The following VPS33B variants were observed in gnomAD, a reference collection of about 807,000 sequenced individuals.
VPS33B encodes vacuolar protein sorting-associated protein 33B.
VPS33B carries 80 observed loss-of-function variants against 95.3 expected under a neutral mutation model. That is an observed-to-expected ratio of 0.84 (90% CI 0.70 to 1.01). The LOEUF is 1.01. VPS33B is among the 50% of genes least tolerant of loss of function. The probability of loss-of-function intolerance (pLI) is 0.00; values close to 1 mark genes in which losing one functional copy is unlikely to be tolerated. For missense variants in VPS33B, 715 were observed against 773.4 expected, an observed-to-expected ratio of 0.92 and a Z score of 0.90; for synonymous variants, 280 against 280.4, an observed-to-expected ratio of 1.00 and a Z score of 0.01.
rs527418365 is a variant in VPS33B at position 91,009,578 on chromosome 15, T to C, written c.403+223A>G. ...CCCTCGGCCTCCCAAAGTGCTGGGA[T>C]TACAGGCATGAGCCACTGCGCCCAG... is the stretch of plus-strand genomic sequence containing the variant. On this transcript the variant is annotated intron_variant, in intron 6 of 22. Coordinates refer to ENST00000333371, the MANE Select transcript of VPS33B (RefSeq NM_018668.5). The surrounding 1 kb of genome is among the most constrained non-coding windows in gnomAD (Gnocchi z 4.1). 3.7e-4 allele frequency among the ~76,000 whole-genome samples: 57 copies of C among 152,228 alleles called. No homozygotes were observed. Among genetic ancestry groups the C allele is most frequent in the Admixed American group, 9.2e-4 (14 of 15,286 alleles).
chr15:91,019,041 C>T (rs929005526), intron 1 of VPS33B, among the ~76,000 whole-genome samples: 1 of 150,482 alleles, frequency 6.6e-6, no homozygotes, highest in Non-Finnish European at 1.5e-5. Context: ...TCTTGAACTC[C>T]TGACCTCATG....
At position 91,013,329 on chromosome 15, in the gene VPS33B, A is replaced by C. The variant is rs536650108; in HGVS notation, c.357+475T>G. On this transcript the variant is annotated intron_variant, in intron 5 of 22. Coordinates refer to ENST00000333371, the MANE Select transcript of VPS33B (RefSeq NM_018668.5). The surrounding 1 kb of genome is among the most constrained non-coding windows in gnomAD (Gnocchi z 4.5). ...AGTGACAGGTATTAGGTTCAATCAC[A>C]CATAATTTGCTTTGAGGGAGTGCTA... Among the ~76,000 whole-genome samples, 14 of 152,346 alleles carry C rather than the reference A, an allele frequency of 9.2e-5. No individual in the cohort carries two copies. In the East Asian group the frequency reaches 2.7e-3, roughly 29 times the overall value.
Position 91,006,273 on chromosome 15 carries a change from C to G in VPS33B, c.852+99G>C, listed in dbSNP as rs1459939028. The G allele has an allele frequency of 6.5e-7, 1 of 1,550,254 alleles. No individual in the cohort carries two copies. The highest frequency in any genetic ancestry group is 2.2e-5 in the East Asian group (1 of 44,584). On this transcript the variant is annotated intron_variant, in intron 11 of 22. Transcript: ENST00000333371. The surrounding 1 kb of genome is among the most constrained non-coding windows in gnomAD (Gnocchi z 5.4). ...CTCTCCCATAGACTCAGCCTCCCCT[C>G]TCAGAGCTGGGGCCCACAGCCTGGT...
intron 3 of VPS33B, among the ~76,000 whole-genome samples, chr15:91,016,375 CTTTTTTT>C (rs796637381): frequency 1.6e-4 from 15 of 96,012 alleles, no homozygotes; most frequent in African/African-American, 4.6e-4. Context: ...GCAGATTCTT[CTTTTTTT>C]TTTTTTTTTT....
chr15:91,009,833 TCA>T lies in VPS33B; in HGVS notation c.369_370del (p.Cys123Ter). On this transcript the variant is annotated stop_gained and frameshift_variant, in exon 6 of 23. Transcript: ENST00000333371. LOFTEE classifies it high-confidence loss of function. The surrounding 1 kb of genome is among the most constrained non-coding windows in gnomAD (Gnocchi z 4.1). ...GATTCCCTCTTCCTCAAGCACCATC[TCA>T]CACGCATAGAACTGAAAGAGAAAAG... 18 of 1,614,140 alleles carry T rather than the reference TCA, an allele frequency of 1.1e-5. No homozygotes were observed. Among genetic ancestry groups the T allele is most frequent in the Non-Finnish European group, 1.5e-5 (18 of 1,180,022 alleles).
At position 91,015,804 on chromosome 15, in the gene VPS33B, T is replaced by A. The variant is rs2040908222; in HGVS notation, c.239+1159A>T. On this transcript the variant is annotated intron_variant, in intron 3 of 22. Transcript: ENST00000333371. The surrounding 1 kb of genome is among the most constrained non-coding windows in gnomAD (Gnocchi z 4.7). ...ATGATTGCACCACTGCACTCCAGCCTGTGCAACAGAGTGAGACCCTGTCTC... is the reference window on the plus strand; with the variant it reads ...ATGATTGCACCACTGCACTCCAGCCAGTGCAACAGAGTGAGACCCTGTCTC... Among the ~76,000 whole-genome samples, 2 of 152,278 alleles carry A rather than the reference T, an allele frequency of 1.3e-5. No individual in the cohort carries two copies. The highest frequency in any genetic ancestry group is 2.4e-5 in the African/African-American group (1 of 41,578).
chr15:91,007,760 T>A lies in VPS33B; in HGVS notation c.498+110A>T. 1 of 1,199,138 alleles carries A rather than the reference T, an allele frequency of 8.3e-7. No homozygotes were observed. Among genetic ancestry groups the A allele is most frequent in the Non-Finnish European group, 1.2e-6 (1 of 806,354 alleles). 74.3% of individuals were successfully genotyped at this position (1,199,138 alleles called of 1,614,324 possible). A position where few individuals can be genotyped will look rare whatever the true frequency, so the allele number is the denominator to read the frequency against. On this transcript the variant is annotated intron_variant, in intron 7 of 22. Coordinates refer to ENST00000333371, the MANE Select transcript of VPS33B (RefSeq NM_018668.5). The surrounding 1 kb of genome is among the most constrained non-coding windows in gnomAD (Gnocchi z 5.3). ...ACTCAATCACCACATCACTATCACT[T>A]GTGATAAATTACTTGCGTTGGACAA...
Position 91,007,696 on chromosome 15 carries a change from T to A in VPS33B, c.499-123A>T. Reference sequence around the variant, plus strand: ...CTGGGGGATGCTTGAAAGGTTTTCATTGGCTCCACAGGAAGTCCCACAGAG... The same window carrying A: ...CTGGGGGATGCTTGAAAGGTTTTCAATGGCTCCACAGGAAGTCCCACAGAG... On this transcript the variant is annotated intron_variant, in intron 7 of 22. Coordinates refer to ENST00000333371, the MANE Select transcript of VPS33B (RefSeq NM_018668.5). This position sits in a 1 kb window ranked among gnomAD's most constrained non-coding sequence, Gnocchi z 5.3. The A allele has an allele frequency of 8.1e-7, 1 of 1,237,690 alleles. No homozygotes were observed. 76.7% of individuals were successfully genotyped at this position (1,237,690 alleles called of 1,614,324 possible).
chr15:91,017,365 T>TTAAAAAAAAA (rs1555460460), intron 2 of VPS33B, among the ~76,000 whole-genome samples: 1 of 16,996 alleles, frequency 5.9e-5, no homozygotes, highest in East Asian at 2.4e-3. Context: ...TCTACAAAAT[T>TTAAAAAAAAA]AAATATATAT....
Position 91,007,365 on chromosome 15 carries a change from T to A in VPS33B, c.603+104A>T, listed in dbSNP as rs922981577. On this transcript the variant is annotated intron_variant, in intron 8 of 22. Transcript: ENST00000333371. This position sits in a 1 kb window ranked among gnomAD's most constrained non-coding sequence, Gnocchi z 5.3. ...CTATTCCAGAACAATGAAAGCAAAG[T>A]AAAGAATACACCTCATATCACAGGT... is the stretch of plus-strand genomic sequence containing the variant. 1.7e-6 allele frequency: 2 copies of A among 1,144,480 alleles called. No homozygotes were observed. The highest frequency in any genetic ancestry group is 2.6e-6 in the Non-Finnish European group (2 of 755,606). 70.9% of individuals were successfully genotyped at this position (1,144,480 alleles called of 1,614,324 possible). A position where few individuals can be genotyped will look rare whatever the true frequency, so the allele number is the denominator to read the frequency against.
At chr15:91,019,212 G>A (rs1038521501) in intron 1 of VPS33B, among the ~76,000 whole-genome samples, 3 of 146,384 alleles carry the variant, frequency 2.0e-5, no homozygotes, top group South Asian at 2.2e-4. Context: ...CTGCCTCCCA[G>A]GGTCAAGCAA....
intron 6 of VPS33B, among the ~76,000 whole-genome samples, chr15:91,008,586 A>AT (rs1349218341): frequency 6.6e-6 from 1 of 152,170 alleles, no homozygotes; most frequent in Non-Finnish European, 1.5e-5. Context: ...TATTCAGCAT[A>AT]TATTTACTGA....
rs769118116 is a variant in VPS33B at position 90,999,754 on chromosome 15, C to T, written c.1697G>A (p.Arg566His). 38 of 1,614,030 alleles carry T rather than the reference C, an allele frequency of 2.4e-5. No individual in the cohort carries two copies. The highest frequency in any genetic ancestry group is 4.4e-5 in the South Asian group (4 of 91,080). ...ACCCAAGAACACCACCAAGATGAGG[C>T]GCAGGGACTCACTGGAAGCCTTGTC... ...KEDKASSESL[R>H]LILVVFLGGC... Residue 566 changes from arginine (R) to histidine (H), a missense_variant, in exon 22 of 23, where the codon CGC becomes CAC. Arg to His is a conservative substitution (Grantham distance 29). Coordinates refer to ENST00000333371, the MANE Select transcript of VPS33B (RefSeq NM_018668.5). This position sits in a 1 kb window ranked among gnomAD's most constrained non-coding sequence, Gnocchi z 5.1.
chr15:91,017,977 C>A, intron 1 of VPS33B, 92 bp from the exon 2 acceptor site: 1 of 1,169,896 alleles, frequency 8.5e-7, no homozygotes, highest in Admixed American at 1.7e-5. Context: ...CAGAAACAGT[C>A]TCTGAGGTGG....
chr15:91,001,975 C>T, intron 18 of VPS33B, 75 bp downstream of exon 18: 3 of 1,608,524 alleles, frequency 1.9e-6, no homozygotes, highest in Non-Finnish European at 2.5e-6. Context: ...TTCATTCTGT[C>T]CCTCCCAGCA....
rs1596348148 is a variant in VPS33B at position 90,999,622 on chromosome 15, A to G, written c.1774+55T>C. ...GTATGAACCACCGTGCCCAGCTGAC[A>G]CTTTGTTACCCAGATACAATGCAGG... On this transcript the variant is annotated intron_variant, in intron 22 of 22. Transcript: ENST00000333371. This position sits in a 1 kb window ranked among gnomAD's most constrained non-coding sequence, Gnocchi z 5.1. The G allele has an allele frequency of 1.9e-6, 3 of 1,586,634 alleles. No individual in the cohort carries two copies. The highest frequency in any genetic ancestry group is 2.2e-5 in the East Asian group (1 of 44,708).
At chr15:91,022,133 A>T in intron 1 of VPS33B, 21 bp downstream of exon 1, 1 of 1,554,520 alleles carries the variant, frequency 6.4e-7, no homozygotes, top group Admixed American at 1.9e-5. Flanking sequence ...GATGCGATAA[A>T]GGCGTCAGGC....
chr15:91,000,358 C>T lies in VPS33B; in HGVS notation c.1581+132G>A, dbSNP rs1377999487. 4 of 824,334 alleles carry T rather than the reference C, an allele frequency of 4.9e-6. No individual in the cohort carries two copies. The highest frequency in any genetic ancestry group is 3.3e-5 in the East Asian group (1 of 30,636). 51.1% of individuals were successfully genotyped at this position (824,334 alleles called of 1,614,324 possible). ...GTTGCAGTGAGCCAAGATCGTGCCA[C>T]CGCACTCCAGCCTGGGTGACAGAGC... is the stretch of plus-strand genomic sequence containing the variant. On this transcript the variant is annotated intron_variant, in intron 20 of 22. Coordinates refer to ENST00000333371, the MANE Select transcript of VPS33B (RefSeq NM_018668.5). The surrounding 1 kb of genome is among the most constrained non-coding windows in gnomAD (Gnocchi z 4.9).
Position 91,002,231 on chromosome 15 carries a change from A to G in VPS33B, c.1273-49T>C, listed in dbSNP as rs1167141963. ...TTTACTGAGTGTCCAAAGAGCATCTAGTACTGTCAGGTACTACAGAGTTGA... is the reference window on the plus strand; with the variant it reads ...TTTACTGAGTGTCCAAAGAGCATCTGGTACTGTCAGGTACTACAGAGTTGA... On this transcript the variant is annotated intron_variant, in intron 17 of 22. Coordinates refer to ENST00000333371, the MANE Select transcript of VPS33B (RefSeq NM_018668.5). The surrounding 1 kb of genome is among the most constrained non-coding windows in gnomAD (Gnocchi z 4.7). The G allele has an allele frequency of 2.5e-6, 4 of 1,610,504 alleles. No homozygotes were observed. The South Asian group carries it at 3.3e-5, about 13-fold the overall frequency.
Sources: allele counts gnomAD v4.1 joint callset (sites outside exome capture counted in the v4.1 genomes callset), GRCh38; gene constraint gnomAD v4.1.1; non-coding constraint Gnocchi (gnomAD v3.1); transcripts MANE v1.5; gene names NCBI Gene and HGNC (gene_info 2026-07-23, HGNC 2026-07-21).